The following ARHGEF28 variants were observed in gnomAD, a reference collection of about 807,000 sequenced individuals.
ARHGEF28 encodes the protein Rho guanine nucleotide exchange factor 28, also known as 190 kDa guanine nucleotide exchange factor.
A neutral mutation model predicts 206.6 loss-of-function variants in ARHGEF28; 152 were observed. The observed-to-expected ratio is 0.74, with a 90% CI of 0.64 to 0.84. ARHGEF28 has a LOEUF of 0.84. ARHGEF28 is among the 40% of genes least tolerant of loss of function. ARHGEF28 has a pLI of 0.00. For missense variants in ARHGEF28, 2,028 were observed against 2,073.2 expected, an observed-to-expected ratio of 0.98 and a Z score of 0.42; for synonymous variants, 763 against 776.4, an observed-to-expected ratio of 0.98 and a Z score of 0.29.
chr5:73,846,802 T>C (rs1018218251), intron 12 of ARHGEF28, among the ~76,000 whole-genome samples: 1 of 152,192 alleles, frequency 6.6e-6, no homozygotes, highest in African/African-American at 2.4e-5. Context: ...AAACCGATAG[T>C]ATTAAATGAG....
intron 12 of ARHGEF28, 78 bp from the exon 13 acceptor site, chr5:73,848,898 T>G: frequency 9.7e-7 from 1 of 1,033,676 alleles, no homozygotes; most frequent in Non-Finnish European, 1.4e-6. Flanking sequence ...GGTGCAAATT[T>G]AGTAACATTT....
At chr5:73,724,664 G>C (rs564428683) in intron 2 of ARHGEF28, among the ~76,000 whole-genome samples, 2 of 152,298 alleles carry the variant, frequency 1.3e-5, no homozygotes, top group African/African-American at 4.8e-5. Flanking sequence ...ATGTTATGTA[G>C]CCATTCAAGT....
At chr5:73,791,784 T>TA (rs150860560) in intron 7 of ARHGEF28, among the ~76,000 whole-genome samples, 43 of 152,108 alleles carry the variant, frequency 2.8e-4, no homozygotes, top group Non-Finnish European at 5.4e-4. Flanking sequence ...AGTTTGGCAA[T>TA]AACAAAAACC....
chr5:73,695,110 G>A (rs1427748508), intron 2 of ARHGEF28, among the ~76,000 whole-genome samples: 1 of 152,150 alleles, frequency 6.6e-6, no homozygotes, highest in Non-Finnish European at 1.5e-5. Context: ...TGTATTTGAG[G>A]GACAACAAAA....
intron 4 of ARHGEF28, among the ~76,000 whole-genome samples, chr5:73,770,623 T>C (rs1345560045): frequency 6.6e-6 from 1 of 152,206 alleles, no homozygotes; most frequent in Non-Finnish European, 1.5e-5. Flanking sequence ...CGTTAAGAAA[T>C]CTGAAACTCT....
chr5:73,669,210 C>T (rs1374398986), intron 1 of ARHGEF28, among the ~76,000 whole-genome samples: 1 of 152,124 alleles, frequency 6.6e-6, no homozygotes, highest in African/African-American at 2.4e-5. Flanking sequence ...ATGTCACAAG[C>T]TGTGAAATAA....
chr5:73,901,723 C>A (rs1383105942), intron 31 of ARHGEF28: 1 of 153,254 alleles, frequency 6.5e-6, no homozygotes, highest in African/African-American at 2.4e-5. Context: ...CCTCTCCTTG[C>A]AGAGTTGATT....
chr5:73,626,506 C>G (rs533733492), intron 1 of ARHGEF28, among the ~76,000 whole-genome samples, 184 bp downstream of exon 1: 4 of 152,042 alleles, frequency 2.6e-5, no homozygotes, highest in Non-Finnish European at 5.9e-5. Context: ...CCGCCTCCCG[C>G]TCCCTCGGGA....
At chr5:73,806,739 T>C (rs1270814558) in intron 9 of ARHGEF28, among the ~76,000 whole-genome samples, 2 of 144,174 alleles carry the variant, frequency 1.4e-5, no homozygotes, top group African/African-American at 5.1e-5. Flanking sequence ...TACATCTATA[T>C]GTACCATATA....
intron 7 of ARHGEF28, among the ~76,000 whole-genome samples, chr5:73,790,614 T>C (rs1296585519): frequency 2.0e-5 from 3 of 151,904 alleles, no homozygotes; most frequent in African/African-American, 7.3e-5. Flanking sequence ...TGCCTCATTG[T>C]TGCTCCCAGT....
chr5:73,775,922 A>G (rs1340243948), intron 5 of ARHGEF28, among the ~76,000 whole-genome samples: 1 of 36,810 alleles, frequency 2.7e-5, no homozygotes, highest in South Asian at 7.8e-4. Flanking sequence ...CATAATTTGA[A>G]TCAACACAAC....
intron 9 of ARHGEF28, among the ~76,000 whole-genome samples, chr5:73,816,677 G>C (rs1561425583): frequency 6.6e-6 from 1 of 152,212 alleles, no homozygotes; most frequent in Non-Finnish European, 1.5e-5. Context: ...AGTATATCTA[G>C]TACTTTCTTA....
chr5:73,799,895 A>G (rs1175194460), intron 9 of ARHGEF28, among the ~76,000 whole-genome samples: 1 of 152,154 alleles, frequency 6.6e-6, no homozygotes, highest in Non-Finnish European at 1.5e-5. Flanking sequence ...AGCTCTAGGC[A>G]TGAAGCGCTG....
intron 35 of ARHGEF28, among the ~76,000 whole-genome samples, chr5:73,937,958 A>G (rs1311314937): frequency 6.6e-6 from 1 of 152,166 alleles, no homozygotes; most frequent in Non-Finnish European, 1.5e-5. Context: ...TACATAGTTC[A>G]GGTAGAAACC....
chr5:73,823,102 G>A (rs1299627333), intron 9 of ARHGEF28, among the ~76,000 whole-genome samples: 4 of 152,180 alleles, frequency 2.6e-5, no homozygotes, highest in African/African-American at 4.8e-5. Context: ...TGTCAGGACC[G>A]TGTTTGCGTT....
chr5:73,893,383 T>A, intron 28 of ARHGEF28, 95 bp downstream of exon 28: 3 of 989,364 alleles, frequency 3.0e-6, no homozygotes, highest in Non-Finnish European at 4.2e-6. Flanking sequence ...AACTACATGA[T>A]TCATCCTGTG....
chr5:73,732,685 A>G (rs1424268143), intron 2 of ARHGEF28, among the ~76,000 whole-genome samples: 1 of 152,222 alleles, frequency 6.6e-6, no homozygotes, highest in Non-Finnish European at 1.5e-5. Flanking sequence ...GACCATGAGA[A>G]CAGGGATTTG....
chr5:73,911,324 T>C lies in ARHGEF28; in HGVS notation c.4697T>C (p.Phe1566Ser). 6.2e-7 allele frequency: 1 copy of C among 1,610,060 alleles called. No homozygotes were observed. Among genetic ancestry groups the C allele is most frequent in the Non-Finnish European group, 8.5e-7 (1 of 1,177,798 alleles). ...SESLCHENSFFINEALVQMSF... is the reference protein window; with the variant it reads ...SESLCHENSFSINEALVQMSF... ...AGTTTATGTCATGAAAACTCATTCT[T>C]CATCAATGAAGCTTTAGTACAAATG... Residue 1566 changes from phenylalanine (F) to serine (S), a missense_variant, in exon 35 of 36, where the codon TTC (phenylalanine) becomes TCC (serine). Coordinates refer to ENST00000513042, the MANE Select transcript of ARHGEF28 (RefSeq NM_001177693.2).
At chr5:73,869,516 CT>C (rs1217588660) in intron 20 of ARHGEF28, among the ~76,000 whole-genome samples, 1 of 152,102 alleles carries the variant, frequency 6.6e-6, no homozygotes, top group Admixed American at 6.5e-5. Context: ...CTTCAAATGT[CT>C]TTTTTCCTCC....
Sources: gnomAD v4.1 joint callset for allele counts (sites outside exome capture counted in the v4.1 genomes callset) on GRCh38, gnomAD v4.1.1 for gene constraint, MANE v1.5 for transcripts, NCBI Gene and HGNC (gene_info 2026-07-23, HGNC 2026-07-21) for gene names.